The following DEPDC5 variants were observed in gnomAD, a reference collection of about 807,000 sequenced individuals.
The protein encoded by DEPDC5 is DEP domain containing 5, GATOR1 subcomplex subunit, also known as GATOR1 complex protein DEPDC5.
DEPDC5 carries 73 observed loss-of-function variants against 217.3 expected under a neutral mutation model. The ratio of observed to expected loss-of-function variants is 0.34; its 90% CI spans 0.28 to 0.41. The LOEUF (loss-of-function observed/expected upper bound fraction) is 0.41. Ranked by LOEUF, DEPDC5 falls within the 10% of genes least tolerant of loss-of-function variation. The probability of loss-of-function intolerance (pLI) is 1.00; values close to 1 mark genes in which losing one functional copy is unlikely to be tolerated. For synonymous variants in DEPDC5, 733 were observed against 756.7 expected (o/e 0.97, Z 0.51); for missense variants, 1,675 against 2,070.1 (o/e 0.81, Z 3.70).
chr22:31,784,620 C>CAAAA, intron 9 of DEPDC5, 194 bp from the exon 10 acceptor site: 2 of 321,050 alleles, frequency 6.2e-6, no homozygotes, highest in Non-Finnish European at 1.1e-5. Context: ...ACTCCCATCT[C>CAAAA]AAAAAAAAAA....
Position 31,843,211 on chromosome 22 carries a change from A to C in DEPDC5, c.2632A>C (p.Lys878Gln), listed in dbSNP as rs2091504163. Residue 878 changes from lysine to glutamine, a missense_variant and splice_region_variant, in exon 28 of 43, where the codon AAG (lysine) becomes CAG (glutamine). Coordinates refer to ENST00000651528, the MANE Select transcript of DEPDC5 (RefSeq NM_001242896.3). ...GATCACAGTGACGCGATACCTTCCC[A>C]AGTGAGTATTTGGATATTTAAAGTC... is the stretch of plus-strand genomic sequence containing the variant. ...KMITVTRYLP[K>Q]YPYESAQIHY... 1.9e-6 allele frequency: 3 copies of C among 1,612,980 alleles called. No individual in the cohort carries two copies. The highest frequency in any genetic ancestry group is 2.5e-6 in the Non-Finnish European group (3 of 1,179,580).
chr22:31,857,647 T>C (rs1357728128), intron 32 of DEPDC5, 94 bp downstream of exon 32: 2 of 1,032,452 alleles, frequency 1.9e-6, no homozygotes, highest in East Asian at 2.6e-5. Context: ...CGGGATTGCA[T>C]GTGCAGAGGC....
At chr22:31,889,626 C>T (rs748132588) in intron 38 of DEPDC5, among the ~76,000 whole-genome samples, 48 of 150,300 alleles carry the variant, frequency 3.2e-4, no homozygotes, top group Non-Finnish European at 5.9e-4. Flanking sequence ...CTGCAAGCTC[C>T]GCCTCCCAGG....
At chr22:31,821,734 A>G in intron 23 of DEPDC5, 97 bp downstream of exon 23, 1 of 1,514,942 alleles carries the variant, frequency 6.6e-7, no homozygotes, top group South Asian at 1.3e-5. Context: ...TGTTGTTTAG[A>G]AGACTTGAAA....
At chr22:31,872,324 C>T (rs763438803) in intron 34 of DEPDC5, among the ~76,000 whole-genome samples, 2 of 152,186 alleles carry the variant, frequency 1.3e-5, no homozygotes, top group Non-Finnish European at 2.9e-5. Context: ...TAGTCAGTTT[C>T]AAAGGGTCGG....
At chr22:31,893,924 A>G in intron 39 of DEPDC5, 173 bp downstream of exon 39, 1 of 764,136 alleles carries the variant, frequency 1.3e-6, no homozygotes, top group Non-Finnish European at 1.9e-6. Context: ...AATTTTAAGC[A>G]ATCAAAAAAG....
intron 8 of DEPDC5, among the ~76,000 whole-genome samples, chr22:31,781,176 A>G (rs1039982005): frequency 2.6e-5 from 4 of 151,312 alleles, no homozygotes; most frequent in African/African-American, 7.3e-5. Flanking sequence ...AGATCGCGCC[A>G]TTGCACTCCA....
intron 25 of DEPDC5, chr22:31,834,216 T>C: frequency 1.9e-6 from 1 of 538,760 alleles, no homozygotes; most frequent in Non-Finnish European, 3.4e-6. Context: ...CTGGGAAAGG[T>C]AGCAGATTCC....
At chr22:31,815,307 T>C in intron 21 of DEPDC5, 95 bp downstream of exon 21, 4 of 1,286,370 alleles carry the variant, frequency 3.1e-6, no homozygotes, top group Non-Finnish European at 4.4e-6. Flanking sequence ...GGGGTGTAAA[T>C]CCCACATCTT....
intron 12 of DEPDC5, among the ~76,000 whole-genome samples, chr22:31,795,856 G>A (rs953623043): frequency 6.6e-6 from 1 of 150,996 alleles, no homozygotes; most frequent in Non-Finnish European, 1.5e-5. Context: ...TCAGCCTCTC[G>A]AGTAGCTGGG....
chr22:31,766,799 C>T (rs1416977008), intron 6 of DEPDC5, 131 bp downstream of exon 6: 2 of 716,042 alleles, frequency 2.8e-6, no homozygotes, highest in East Asian at 2.7e-5. Context: ...TTGTCAACGT[C>T]TTCTGTGTTC....
chr22:31,864,589 C>T (rs997841547), intron 33 of DEPDC5, among the ~76,000 whole-genome samples: 1 of 147,532 alleles, frequency 6.8e-6, no homozygotes, highest in African/African-American at 2.5e-5. Flanking sequence ...AAAATAATTT[C>T]TTTGTAGGGT....
intron 2 of DEPDC5, chr22:31,755,310 T>G: frequency 2.8e-6 from 1 of 359,694 alleles, no homozygotes; most frequent in South Asian, 3.0e-5. Context: ...AAATCGTTTA[T>G]CAGTTTTTAC....
chr22:31,848,234 T>G (rs995477576), intron 31 of DEPDC5, among the ~76,000 whole-genome samples: 1 of 152,168 alleles, frequency 6.6e-6, no homozygotes, highest in African/African-American at 2.4e-5. Flanking sequence ...AGATGCATGA[T>G]GCAAGCCGTC....
At position 31,784,874 on chromosome 22, in the gene DEPDC5, A is replaced by G; in HGVS notation, c.623A>G (p.Lys208Arg). The G allele has an allele frequency of 6.2e-7, 1 of 1,612,546 alleles. No homozygotes were observed. Among genetic ancestry groups the G allele is most frequent in the Non-Finnish European group, 8.5e-7 (1 of 1,179,314 alleles). ...GFLADLFTKW[K>R]EKNCSHEVTV... is the part of the protein sequence containing the mutation. ...CTTGCTGATCTATTTACCAAGTGGA[A>G]GGTACATTTCTTCTTACACACTAAG... The change falls in exon 10 of 43, where the codon AAG becomes AGG. Residue 208 changes from lysine to arginine, a missense_variant and splice_region_variant. Lys to Arg is a conservative substitution (Grantham distance 26). This residue lies in a region of DEPDC5 where 628 missense variants were observed against 762.1 expected (regional missense o/e 0.82). Coordinates refer to ENST00000651528, the MANE Select transcript of DEPDC5 (RefSeq NM_001242896.3).
chr22:31,824,351 GAAAA>G (rs950894577), intron 24 of DEPDC5, among the ~76,000 whole-genome samples: 3 of 126,936 alleles, frequency 2.4e-5, no homozygotes, highest in African/African-American at 8.7e-5. Context: ...GTCTCAAAAA[GAAAA>G]AAAAAAAGAA....
intron 33 of DEPDC5, 24 bp downstream of exon 33, chr22:31,861,457 C>T: frequency 1.3e-6 from 2 of 1,551,118 alleles, no homozygotes; most frequent in Non-Finnish European, 1.7e-6. Flanking sequence ...CAGGGCTTCG[C>T]ATGCCTGTCC....
chr22:31,759,382 T>G (rs919250474), intron 3 of DEPDC5, among the ~76,000 whole-genome samples: 32 of 118,862 alleles, frequency 2.7e-4, no homozygotes, highest in African/African-American at 8.6e-4. Flanking sequence ...TGTTTTTTTT[T>G]GTTTTTTTTG....
At chr22:31,786,379 CTT>C (rs1250654725) in intron 10 of DEPDC5, among the ~76,000 whole-genome samples, 2 of 126,728 alleles carry the variant, frequency 1.6e-5, no homozygotes, top group Non-Finnish European at 1.6e-5. Context: ...ATATGGAAAA[CTT>C]TGTCTCCACA....
Sources: gnomAD v4.1 joint callset for allele counts (sites outside exome capture counted in the v4.1 genomes callset) on GRCh38, gnomAD v4.1.1 for gene constraint, gnomAD v4.1.1 regional missense constraint, MANE v1.5 for transcripts, NCBI Gene and HGNC (gene_info 2026-07-23, HGNC 2026-07-21) for gene names.